Variants in KCND2 observed in about 807,000 individuals in gnomAD.
KCND2 encodes potassium voltage-gated channel subfamily D member 2.
KCND2 carries 16 observed loss-of-function variants against 54.4 expected under a neutral mutation model. That is an observed-to-expected ratio of 0.29 (90% confidence interval 0.20 to 0.45). The LOEUF is 0.45. Ranked by LOEUF, KCND2 falls within the 20% of genes least tolerant of loss-of-function variation. The pLI is 1.00. For missense variants in KCND2, 486 were observed against 824.2 expected, an observed-to-expected ratio of 0.59 and a Z score of 5.02; for synonymous variants, 317 against 310.7, an observed-to-expected ratio of 1.02 and a Z score of -0.21.
intron 1 of KCND2, among the ~76,000 whole-genome samples, chr7:120,352,275 C>G (rs1336073601): frequency 6.6e-6 from 1 of 151,842 alleles, no homozygotes; most frequent in Non-Finnish European, 1.5e-5. Context: ...TTAACCCTGT[C>G]TATATCAAAG....
chr7:120,394,323 A>G (rs1490830169), intron 1 of KCND2, among the ~76,000 whole-genome samples: 1 of 151,894 alleles, frequency 6.6e-6, no homozygotes, highest in Admixed American at 6.6e-5. Flanking sequence ...GTCTGTTTGC[A>G]CTAAGTCTAC....
chr7:120,416,337 G>A (rs1801524772), intron 1 of KCND2, among the ~76,000 whole-genome samples: 1 of 151,952 alleles, frequency 6.6e-6, no homozygotes, highest in South Asian at 2.1e-4. Context: ...TACTTCAAGG[G>A]CACCCCTACT....
intron 1 of KCND2, among the ~76,000 whole-genome samples, chr7:120,717,996 A>G (rs1163889861): frequency 6.6e-6 from 1 of 152,024 alleles, no homozygotes; most frequent in Non-Finnish European, 1.5e-5. Flanking sequence ...CCAATATTAC[A>G]TAAGTGGTAG....
chr7:120,709,708 T>C (rs1792515313), intron 1 of KCND2, among the ~76,000 whole-genome samples: 1 of 152,184 alleles, frequency 6.6e-6, no homozygotes, highest in Admixed American at 6.6e-5. Context: ...AAGCTAATTC[T>C]AGTTCAAGAA....
At chr7:120,319,268 A>C (rs1361021011) in intron 1 of KCND2, among the ~76,000 whole-genome samples, 2 of 152,090 alleles carry the variant, frequency 1.3e-5, no homozygotes, top group African/African-American at 4.8e-5. Flanking sequence ...CTCCAGAATC[A>C]TTGTGGAGTA....
chr7:120,457,250 T>C (rs1386975647), intron 1 of KCND2, among the ~76,000 whole-genome samples: 1 of 152,296 alleles, frequency 6.6e-6, no homozygotes, highest in Non-Finnish European at 1.5e-5. Context: ...TTCTCCATTG[T>C]CTTGGTGATT....
Position 120,275,742 on chromosome 7 carries a change from A to G in KCND2, c.1110A>G (p.Thr370=), listed in dbSNP as rs1409851056. The G allele has an allele frequency of 2.5e-6, 4 of 1,600,112 alleles. No homozygotes were observed. In the African/African-American group the frequency reaches 4.0e-5, roughly 16 times the overall value. Residue 370 remains threonine, a synonymous_variant, in exon 1 of 6, where the codon ACA becomes ACG. Transcript: ENST00000331113. ...AFWYTIVTMT[T]LGYGDMVPKT... ...GGTATACCATCGTCACCATGACAAC[A>G]CTAGGGTAGGTGCCATAATGGGAAA...
At position 120,595,460 on chromosome 7, in the gene KCND2, A is replaced by AAT. The variant is rs1390964580; in HGVS notation, c.1116-137424_1116-137423dup. ...AGTGAGACTGTGCCACCAAAAAAAA[A>AAT]ATATATATATATATATATATGTGTA... On this transcript the variant is annotated intron_variant, in intron 1 of 5. Transcript: ENST00000331113. Among the ~76,000 whole-genome samples, 699 of 112,944 alleles carry AAT rather than the reference A, an allele frequency of 6.2e-3. 13 individuals are homozygous for AAT. The highest frequency in any genetic ancestry group is 0.019 in the African/African-American group (620 of 31,912). The allele number at this position is 112,944 out of a possible 152,430, so 74.1% of individuals were successfully genotyped here.
intron 1 of KCND2, among the ~76,000 whole-genome samples, chr7:120,520,650 A>C (rs376250707): frequency 2.2e-3 from 330 of 152,312 alleles, no homozygotes; most frequent in Non-Finnish European, 3.8e-3. Context: ...AAGAAGTGTG[A>C]TAGTAAGCAG....
At chr7:120,283,354 C>T (rs1423687814) in intron 1 of KCND2, among the ~76,000 whole-genome samples, 1 of 152,058 alleles carries the variant, frequency 6.6e-6, no homozygotes, top group African/African-American at 2.4e-5. Context: ...GAGTTGTGAG[C>T]ATGGTAGGGA....
chr7:120,732,221 G>A (rs1584900144), intron 1 of KCND2, among the ~76,000 whole-genome samples: 1 of 152,062 alleles, frequency 6.6e-6, no homozygotes, highest in African/African-American at 2.4e-5. Flanking sequence ...AATCAGATAA[G>A]GGGAAAGGAG....
chr7:120,446,469 C>CT (rs998175518), intron 1 of KCND2, among the ~76,000 whole-genome samples: 4 of 152,010 alleles, frequency 2.6e-5, no homozygotes, highest in African/African-American at 7.2e-5. Flanking sequence ...GAATTATTCT[C>CT]TTTTTGTTTC....
At chr7:120,669,927 G>C (rs1364103767) in intron 1 of KCND2, among the ~76,000 whole-genome samples, 1 of 152,106 alleles carries the variant, frequency 6.6e-6, no homozygotes, top group Non-Finnish European at 1.5e-5. Flanking sequence ...TGTTTCAAAA[G>C]ATGAGTCTAC....
chr7:120,317,414 TTG>T (rs1357684699), intron 1 of KCND2, among the ~76,000 whole-genome samples: 4 of 152,194 alleles, frequency 2.6e-5, no homozygotes, highest in African/African-American at 7.2e-5. Context: ...CTCATGTCAA[TTG>T]TGTCTTTAAT....
chr7:120,297,394 C>A (rs1799527753), intron 1 of KCND2, among the ~76,000 whole-genome samples: 1 of 152,038 alleles, frequency 6.6e-6, no homozygotes, highest in Non-Finnish European at 1.5e-5. Context: ...TCATTTCATT[C>A]TTTTTATGGC....
intron 1 of KCND2, among the ~76,000 whole-genome samples, chr7:120,382,311 T>A (rs1332668766): frequency 6.6e-6 from 1 of 151,854 alleles, no homozygotes; most frequent in Non-Finnish European, 1.5e-5. Flanking sequence ...GATGAAAATT[T>A]TATAGGGCAT....
chr7:120,648,487 CAA>C (rs1412613310), intron 1 of KCND2, among the ~76,000 whole-genome samples: 1 of 151,860 alleles, frequency 6.6e-6, no homozygotes, highest in Non-Finnish European at 1.5e-5. Flanking sequence ...GGTTAGAAAA[CAA>C]GAGTACAGTC....
intron 1 of KCND2, among the ~76,000 whole-genome samples, chr7:120,376,998 T>C (rs1318058308): frequency 6.6e-6 from 1 of 151,936 alleles, no homozygotes; most frequent in Admixed American, 6.6e-5. Flanking sequence ...GAAGTTGGAA[T>C]GTTTTCAAAT....
intron 1 of KCND2, among the ~76,000 whole-genome samples, chr7:120,523,077 A>G (rs1791719783): frequency 1.3e-5 from 2 of 152,116 alleles, no homozygotes; most frequent in African/African-American, 4.8e-5. Context: ...CAGTTAATCA[A>G]ATTTTGCAGT....
Sources: gnomAD v4.1 joint callset for allele counts (sites outside exome capture counted in the v4.1 genomes callset) on GRCh38, gnomAD v4.1.1 for gene constraint, MANE v1.5 for transcripts, NCBI Gene and HGNC (gene_info 2026-07-23, HGNC 2026-07-21) for gene names.